The following SLC5A10 variants were observed in gnomAD, a reference collection of about 807,000 sequenced individuals.
SLC5A10 encodes the protein solute carrier family 5 member 10.
A neutral mutation model predicts 68.9 loss-of-function variants in SLC5A10; 55 were observed. That is an observed-to-expected ratio of 0.80 (90% CI 0.64 to 1.00). SLC5A10 has a LOEUF of 1.00. Among genes scored for constraint, SLC5A10 ranks in the 50% least tolerant of loss-of-function variants. SLC5A10 has a pLI of 0.00. For synonymous variants in SLC5A10, 344 were observed against 344.8 expected (o/e 1.00, Z 0.02); for missense variants, 732 against 819.3 (o/e 0.89, Z 1.30).
intron 1 of SLC5A10, among the ~76,000 whole-genome samples, chr17:18,954,336 G>C (rs1227339137): frequency 6.6e-6 from 1 of 152,170 alleles, no homozygotes; most frequent in African/African-American, 2.4e-5. Flanking sequence ...CCTGAGGCCA[G>C]ACCCTTTGTA....
chr17:18,967,561 C>T (rs975868928), intron 5 of SLC5A10, among the ~76,000 whole-genome samples: 4 of 152,210 alleles, frequency 2.6e-5, no homozygotes, highest in Admixed American at 1.3e-4. Flanking sequence ...AGCCAAAGAC[C>T]GGGCACACAG....
chr17:19,006,883 A>C (rs907599349), intron 9 of SLC5A10, among the ~76,000 whole-genome samples: 1 of 152,190 alleles, frequency 6.6e-6, no homozygotes, highest in Non-Finnish European at 1.5e-5. Flanking sequence ...TTCATTGCTG[A>C]CTAGTATTCC....
chr17:19,016,570 C>A (rs958511362), intron 11 of SLC5A10, among the ~76,000 whole-genome samples: 1 of 152,204 alleles, frequency 6.6e-6, no homozygotes. Flanking sequence ...AGGCAGCTGT[C>A]CCAGGGATGC....
chr17:19,017,657 C>T lies in SLC5A10; in HGVS notation c.1242-1766C>T. 1 of 460,548 alleles carries T rather than the reference C, an allele frequency of 2.2e-6. No homozygotes were observed. The highest frequency in any genetic ancestry group is 2.4e-5 in the South Asian group (1 of 41,674). The allele number at this position is 460,548 out of a possible 1,614,324, so 28.5% of individuals were successfully genotyped here. On this transcript the variant is annotated intron_variant, in intron 11 of 14. Transcript: ENST00000395645. This position sits in a 1 kb window ranked among gnomAD's most constrained non-coding sequence, Gnocchi z 5.6. ...CACTGTTCCGCCACTGCCCCCCTGC[C>T]CCACTCTCCCCTGTCTGTGTTCCCG...
In SLC5A10 at chr17:19,017,087, C is replaced by T. The variant is rs2044155334; in HGVS notation, c.1241+1888C>T. Among the ~76,000 whole-genome samples, 1 of 152,234 alleles carries T rather than the reference C, an allele frequency of 6.6e-6. No individual in the cohort carries two copies. The highest frequency in any genetic ancestry group is 1.5e-5 in the Non-Finnish European group (1 of 68,032). The stretch of plus-strand genomic sequence containing the variant: ...TTGACCCTCCTTCCCACCTCTTCTG[C>T]CAAGTCAACCCCCGCCCCTAGCCCT... On this transcript the variant is annotated intron_variant, in intron 11 of 14. Coordinates refer to ENST00000395645, the MANE Select transcript of SLC5A10 (RefSeq NM_001042450.4). The surrounding 1 kb of genome is among the most constrained non-coding windows in gnomAD (Gnocchi z 5.6).
intron 9 of SLC5A10, among the ~76,000 whole-genome samples, chr17:19,012,356 G>A (rs1192275072): frequency 1.3e-5 from 2 of 152,216 alleles, no homozygotes; most frequent in African/African-American, 4.8e-5. Flanking sequence ...GGGTTCAGTC[G>A]GGATCTGGCC....
chr17:18,960,458 G>T (rs563081863), intron 4 of SLC5A10, 90 bp from the exon 5 acceptor site: 4 of 1,114,764 alleles, frequency 3.6e-6, no homozygotes, highest in African/African-American at 1.5e-5. Context: ...TTTGTGGCGG[G>T]GGGAGAGGCA....
chr17:19,016,812 C>A (rs750766240), intron 11 of SLC5A10, among the ~76,000 whole-genome samples: 26 of 152,186 alleles, frequency 1.7e-4, no homozygotes, highest in Non-Finnish European at 3.4e-4. Context: ...AGACCCTGCC[C>A]CTCTCTGACC....
chr17:18,977,732 G>T, intron 9 of SLC5A10: 1 of 1,607,914 alleles, frequency 6.2e-7, no homozygotes. Context: ...CTGCCGGCGC[G>T]GTGGTGGGGT....
chr17:18,981,369 G>T (rs555670543), intron 9 of SLC5A10, among the ~76,000 whole-genome samples: 1 of 152,290 alleles, frequency 6.6e-6, no homozygotes, highest in African/African-American at 2.4e-5. Flanking sequence ...GCGGGCTCCT[G>T]GTAAAAGACC....
rs2044057700 is a variant in SLC5A10 at position 19,013,358 on chromosome 17, C to G, written c.983-52C>G. 5 of 1,598,898 alleles carry G rather than the reference C, an allele frequency of 3.1e-6. No homozygotes were observed. In the South Asian group the frequency reaches 4.5e-5, roughly 14 times the overall value. ...TGCCCCCAGCCCTATCTTGCCCACC[C>G]CAGGTGCTCATGTCTATGAGGAGAG... is the stretch of plus-strand genomic sequence containing the variant. On this transcript the variant is annotated intron_variant, in intron 9 of 14. Transcript: ENST00000395645.
At chr17:18,954,906 A>G (rs1421514377) in intron 1 of SLC5A10, among the ~76,000 whole-genome samples, 1 of 152,006 alleles carries the variant, frequency 6.6e-6, no homozygotes, top group African/African-American at 2.4e-5. Flanking sequence ...GCCCGTCTCT[A>G]CTTTTGTATT....
At chr17:18,984,235 G>A (rs565697017) in intron 9 of SLC5A10, among the ~76,000 whole-genome samples, 1 of 151,778 alleles carries the variant, frequency 6.6e-6, no homozygotes, top group Non-Finnish European at 1.5e-5. Context: ...CCAGCTACTG[G>A]GGAGGCTGAA....
At chr17:19,013,602 ACT>A in intron 10 of SLC5A10, 85 bp downstream of exon 10, 1 of 220,614 alleles carries the variant, frequency 4.5e-6, no homozygotes, top group Non-Finnish European at 6.8e-6. Context: ...GGAGGCTGCC[ACT>A]CACTGGCCAA....
intron 9 of SLC5A10, among the ~76,000 whole-genome samples, chr17:18,990,647 C>T (rs1286803699): frequency 6.6e-6 from 1 of 152,234 alleles, no homozygotes; most frequent in African/African-American, 2.4e-5. Context: ...GGACCATCTG[C>T]TGTCAGGTTG....
rs1597897286 is a variant in SLC5A10 at position 19,004,211 on chromosome 17, G to T, written c.983-9199G>T. 3.4e-6 allele frequency: 2 copies of T among 590,638 alleles called. No individual in the cohort carries two copies. Among genetic ancestry groups the T allele is most frequent in the East Asian group, 3.2e-5 (1 of 30,798 alleles). 36.6% of individuals were successfully genotyped at this position (590,638 alleles called of 1,614,324 possible). A position where few individuals can be genotyped will look rare whatever the true frequency, so the allele number is the denominator to read the frequency against. On this transcript the variant is annotated intron_variant, in intron 9 of 14. Transcript: ENST00000395645. This position sits in a 1 kb window ranked among gnomAD's most constrained non-coding sequence, Gnocchi z 5.4. ...ATGAGCCCGGCTCGGCGGGGAGGGC[G>T]GGCCGCGCGGGGAGGGGCGGCGGGG...
chr17:18,981,479 C>T (rs1241390316), intron 9 of SLC5A10, among the ~76,000 whole-genome samples: 1 of 152,138 alleles, frequency 6.6e-6, no homozygotes, highest in Non-Finnish European at 1.5e-5. Flanking sequence ...ATCTCAGGAG[C>T]AGTGCTGGCA....
chr17:19,000,442 G>A lies in SLC5A10; in HGVS notation c.983-12968G>A, dbSNP rs1044993334. On this transcript the variant is annotated intron_variant, in intron 9 of 14. Transcript: ENST00000395645. This position sits in a 1 kb window ranked among gnomAD's most constrained non-coding sequence, Gnocchi z 5.2. ...CCACAGTCAGGCAGAGGCAGAGCAC[G>A]GACTCTTGGCTCCTGGTCCTGCTGT... Among the ~76,000 whole-genome samples the A allele has an allele frequency of 1.1e-4, 17 of 152,280 alleles. 2 individuals carry two copies. Among genetic ancestry groups the A allele is most frequent in the Admixed American group, 7.8e-4 (12 of 15,296 alleles).
At chr17:18,989,976 G>A (rs1032622104) in intron 9 of SLC5A10, among the ~76,000 whole-genome samples, 1 of 152,234 alleles carries the variant, frequency 6.6e-6, no homozygotes, top group African/African-American at 2.4e-5. Context: ...GGAGGTGTGG[G>A]ACCAGCTGGG....
Sources: allele counts gnomAD v4.1 joint callset (sites outside exome capture counted in the v4.1 genomes callset), GRCh38; gene constraint gnomAD v4.1.1; non-coding constraint Gnocchi (gnomAD v3.1); transcripts MANE v1.5; gene names NCBI Gene and HGNC (gene_info 2026-07-23, HGNC 2026-07-21).